Variants in SEMA5A observed in about 807,000 individuals in gnomAD.
The protein encoded by SEMA5A is semaphorin 5A.
In SEMA5A, 55 loss-of-function variants were observed where a neutral mutation model predicts 135.5. The observed-to-expected ratio is 0.41, with a 90% CI of 0.33 to 0.51. The LOEUF (loss-of-function observed/expected upper bound fraction) is 0.51, where lower values mean the gene tolerates loss of function less well. Ranked by LOEUF, SEMA5A falls within the 20% of genes least tolerant of loss-of-function variation. The pLI is 0.37. For missense variants in SEMA5A, 1,290 were observed against 1,419.9 expected (o/e 0.91, Z 1.47); for synonymous variants, 580 against 546.5 (o/e 1.06, Z -0.85).
At chr5:9,150,754 C>T (rs552932975) in intron 12 of SEMA5A, among the ~76,000 whole-genome samples, 1 of 152,192 alleles carries the variant, frequency 6.6e-6, no homozygotes, top group Middle Eastern at 3.4e-3. Context: ...AAACCTCCTT[C>T]ATGTTTGCTT....
At chr5:9,178,994 T>G (rs1744358855) in intron 11 of SEMA5A, among the ~76,000 whole-genome samples, 1 of 152,206 alleles carries the variant, frequency 6.6e-6, no homozygotes, top group Non-Finnish European at 1.5e-5. Context: ...ATGGTTTGAA[T>G]GTCCCTCTGT....
chr5:9,089,024 T>G (rs536350145), intron 16 of SEMA5A, among the ~76,000 whole-genome samples: 2 of 152,306 alleles, frequency 1.3e-5, no homozygotes, highest in Admixed American at 6.5e-5. Context: ...CTGAAAACAC[T>G]ACTCCTTCTT....
chr5:9,278,324 G>C (rs1346126575), intron 5 of SEMA5A, among the ~76,000 whole-genome samples: 1 of 152,154 alleles, frequency 6.6e-6, no homozygotes, highest in African/African-American at 2.4e-5. Flanking sequence ...AAGCATTCAA[G>C]AGGTGATCTG....
intron 2 of SEMA5A, among the ~76,000 whole-genome samples, chr5:9,414,433 A>G (rs1219450492): frequency 2.6e-5 from 4 of 152,062 alleles, no homozygotes; most frequent in Non-Finnish European, 5.9e-5. Context: ...TTGGACAAAG[A>G]TCAGATTTGA....
chr5:9,516,998 T>C (rs1252816457), intron 1 of SEMA5A: 1 of 152,246 alleles, frequency 6.6e-6, no homozygotes. Flanking sequence ...TTCAAAAGTA[T>C]AGAAGGTTGT....
rs1251675058 is a variant in SEMA5A, at chr5:9,052,006, G to A, written c.2712C>T (p.Asp904=). The A allele has an allele frequency of 1.2e-6, 2 of 1,611,856 alleles. No homozygotes were observed. Among genetic ancestry groups the A allele is most frequent in the Admixed American group, 1.7e-5 (1 of 59,824 alleles). The change falls in exon 20 of 23, where the codon GAC becomes GAT. Residue 904 remains aspartate, a synonymous_variant. Coordinates refer to ENST00000382496, the MANE Select transcript of SEMA5A (RefSeq NM_003966.3). ...PCPESWSEWS[D]WSECEASGVQ... ...CGCCAGAGGCTTCACACTCAGACCAGTCCGACCACTCCGACCAGCTCTCTG... is the reference window on the plus strand; with the variant it reads ...CGCCAGAGGCTTCACACTCAGACCAATCCGACCACTCCGACCAGCTCTCTG...
rs1754288041 is a variant in SEMA5A at position 9,353,354 on chromosome 5, G to GGAAAGGGAAGGAAAGGAAAGGAAAGGA, written c.125-15543_125-15542insTCCTTTCCTTTCCTTTCCTTCCCTTTC. ...AAAGGAAATGAAAGGAAAGGAAAGG[G>GGAAAGGGAAGGAAAGGAAAGGAAAGGA]AAGGAAAGGAAAGGAAAGGAAAGGA... On this transcript the variant is annotated intron_variant, in intron 3 of 22. Coordinates refer to ENST00000382496, the MANE Select transcript of SEMA5A (RefSeq NM_003966.3). Among the ~76,000 whole-genome samples the GGAAAGGGAAGGAAAGGAAAGGAAAGGA allele has an allele frequency of 1.1e-3, 62 of 54,414 alleles. 4 individuals are homozygous for GGAAAGGGAAGGAAAGGAAAGGAAAGGA. Among genetic ancestry groups the GGAAAGGGAAGGAAAGGAAAGGAAAGGA allele is most frequent in the Non-Finnish European group, 1.7e-3 (47 of 27,548 alleles). The allele number at this position is 54,414 out of a possible 152,430, so 35.7% of individuals were successfully genotyped here.
At chr5:9,533,839 G>A (rs1011881540) in intron 1 of SEMA5A, among the ~76,000 whole-genome samples, 3 of 152,082 alleles carry the variant, frequency 2.0e-5, no homozygotes, top group Admixed American at 6.5e-5. Context: ...ACAAAAGATC[G>A]AGTGAGCTGG....
At chr5:9,504,239 AC>A (rs1561304297) in intron 1 of SEMA5A, among the ~76,000 whole-genome samples, 6 of 150,916 alleles carry the variant, frequency 4.0e-5, no homozygotes, top group African/African-American at 1.5e-4. Flanking sequence ...AAAAAAAAAA[AC>A]AAAAGAAAAG....
intron 4 of SEMA5A, among the ~76,000 whole-genome samples, chr5:9,326,429 T>TG (rs1752878039): frequency 1.3e-5 from 2 of 152,226 alleles, no homozygotes; most frequent in South Asian, 4.1e-4. Context: ...TTTTTGTGTG[T>TG]TTTTAGTAGA....
intron 5 of SEMA5A, among the ~76,000 whole-genome samples, chr5:9,248,886 A>C (rs1488083035): frequency 6.6e-6 from 1 of 152,320 alleles, no homozygotes; most frequent in East Asian, 1.9e-4. Flanking sequence ...TTGGACTCCT[A>C]GCCTCCAGAA....
At position 9,122,711 on chromosome 5, in the gene SEMA5A, G is replaced by T; in HGVS notation, c.1726C>A (p.Gln576Lys). The change falls in exon 14 of 23, where the codon CAG becomes AAG. Residue 576 changes from glutamine (Q) to lysine (K), a missense_variant. Physicochemically the swap from Gln to Lys is moderately conservative, Grantham distance 53. Transcript: ENST00000382496. ...RTRSCDSPAP[Q>K]CGGWQCEGPG... ...CCCTCGCACTGCCAGCCACCACACTGCGGGGCCGGGCTGTCGCAGGAGCGG... is the reference window on the plus strand; with the variant it reads ...CCCTCGCACTGCCAGCCACCACACTTCGGGGCCGGGCTGTCGCAGGAGCGG... 2 of 1,613,354 alleles carry T rather than the reference G, an allele frequency of 1.2e-6. No homozygotes were observed. Among genetic ancestry groups the T allele is most frequent in the Non-Finnish European group, 1.7e-6 (2 of 1,179,744 alleles).
At chr5:9,181,550 T>C (rs997216472) in intron 11 of SEMA5A, among the ~76,000 whole-genome samples, 2 of 151,956 alleles carry the variant, frequency 1.3e-5, no homozygotes, top group Non-Finnish European at 2.9e-5. Context: ...GCTCACACCC[T>C]CTCTTGGTTC....
intron 5 of SEMA5A, among the ~76,000 whole-genome samples, chr5:9,310,279 A>G (rs1752067103): frequency 6.6e-6 from 1 of 152,180 alleles, no homozygotes; most frequent in Non-Finnish European, 1.5e-5. Flanking sequence ...TGGATTCCAA[A>G]TAAAACTTCA....
At chr5:9,171,125 C>T (rs1405691848) in intron 11 of SEMA5A, among the ~76,000 whole-genome samples, 1 of 152,204 alleles carries the variant, frequency 6.6e-6, no homozygotes, top group Non-Finnish European at 1.5e-5. Context: ...TCAATCCTTC[C>T]TTGTGAACAC....
chr5:9,513,290 G>A (rs527761871), intron 1 of SEMA5A, among the ~76,000 whole-genome samples: 3 of 151,852 alleles, frequency 2.0e-5, no homozygotes, highest in African/African-American at 7.2e-5. Flanking sequence ...TTTACAGAGT[G>A]AAAAAGTAAT....
chr5:9,533,237 G>A (rs1166912258), intron 1 of SEMA5A, among the ~76,000 whole-genome samples: 1 of 152,146 alleles, frequency 6.6e-6, no homozygotes, highest in Non-Finnish European at 1.5e-5. Flanking sequence ...AAATAGCCCA[G>A]CTACCCCTCT....
chr5:9,123,130 T>C (rs1307082443), intron 13 of SEMA5A, among the ~76,000 whole-genome samples: 1 of 151,104 alleles, frequency 6.6e-6, no homozygotes, highest in African/African-American at 2.4e-5. Context: ...GGCGGGTGCC[T>C]GTAGTCCCAG....
intron 13 of SEMA5A, among the ~76,000 whole-genome samples, chr5:9,131,183 A>C (rs1741390120): frequency 6.6e-6 from 1 of 152,216 alleles, no homozygotes; most frequent in East Asian, 1.9e-4. Flanking sequence ...ACAGTTTTGC[A>C]GACTGGCCAA....
Sources: gnomAD v4.1 joint callset for allele counts (sites outside exome capture counted in the v4.1 genomes callset) on GRCh38, gnomAD v4.1.1 for gene constraint, MANE v1.5 for transcripts, NCBI Gene and HGNC (gene_info 2026-07-23, HGNC 2026-07-21) for gene names.